The following PI4KA variants were observed in gnomAD, a reference collection of about 807,000 sequenced individuals.
PI4KA encodes the protein PI4-kinase alpha.
A neutral mutation model predicts 271.4 loss-of-function variants in PI4KA; 122 were observed. That is an observed-to-expected ratio of 0.45 (90% CI 0.39 to 0.52). PI4KA has a LOEUF of 0.52. Ranked by LOEUF, PI4KA falls within the 20% of genes least tolerant of loss-of-function variation. The probability of loss-of-function intolerance (pLI) is 0.00; values close to 1 mark genes in which losing one functional copy is unlikely to be tolerated. For synonymous variants in PI4KA, 1,041 were observed against 1,078.8 expected (o/e 0.96, Z 0.69); for missense variants, 1,969 against 2,769.1 (o/e 0.71, Z 6.48).
rs1601428230 is a variant in PI4KA, at chr22:20,761,446, T to G, written c.2709-60A>C. 6.2e-6 allele frequency: 6 copies of G among 960,582 alleles called. No individual in the cohort carries two copies. In the South Asian group the frequency reaches 6.5e-5, roughly 10 times the overall value. The allele number at this position is 960,582 out of a possible 1,614,324, so 59.5% of individuals were successfully genotyped here. A position where few individuals can be genotyped will look rare whatever the true frequency, so the allele number is the denominator to read the frequency against. On this transcript the variant is annotated intron_variant, in intron 22 of 54. Coordinates refer to ENST00000255882, the MANE Select transcript of PI4KA (RefSeq NM_058004.4). ...AATCTGGGCCCTCCCTATCACAGAT[T>G]TGACACTGCCCATAAGTGGTAAGGA...
intron 28 of PI4KA, among the ~76,000 whole-genome samples, chr22:20,748,476 G>A (rs1440551832): frequency 2.6e-5 from 4 of 152,266 alleles, no homozygotes; most frequent in South Asian, 2.1e-4. Context: ...CCCAGTGGGA[G>A]AAGGGTGCTG....
intron 16 of PI4KA, 78 bp from the exon 17 acceptor site, chr22:20,798,765 C>T (rs2147586083): frequency 2.1e-6 from 2 of 952,908 alleles, no homozygotes; most frequent in Non-Finnish European, 3.4e-6. Flanking sequence ...AGAGAGAAAG[C>T]TCTGGAATCC....
chr22:20,749,994 T>C lies in PI4KA; in HGVS notation c.3154A>G (p.Ser1052Gly). The C allele has an allele frequency of 6.2e-7, 1 of 1,609,186 alleles. No homozygotes were observed. The change falls in exon 28 of 55, where the codon AGC becomes GGC. Residue 1052 changes from serine (S) to glycine (G), a missense_variant and splice_region_variant. Coordinates refer to ENST00000255882, the MANE Select transcript of PI4KA (RefSeq NM_058004.4). ...TVPDTYEARE[S>G]IVKDFAARCG... ...CGTGCAGCGAAGTCCTTCACAATGC[T>C]CTGGAAGAGGGTGAAGCTGCTTCTC...
chr22:20,792,270 AATG>A (rs1325385399), intron 19 of PI4KA, among the ~76,000 whole-genome samples: 2 of 152,180 alleles, frequency 1.3e-5, no homozygotes, highest in East Asian at 3.9e-4. Context: ...GGTTGGGAAT[AATG>A]ATGAACACTC....
chr22:20,844,821 T>G (rs1328893183), intron 1 of PI4KA, among the ~76,000 whole-genome samples: 1 of 152,120 alleles, frequency 6.6e-6, no homozygotes, highest in Non-Finnish European at 1.5e-5. Flanking sequence ...CTTTTACATA[T>G]GATGAAACAG....
chr22:20,713,171 G>A, intron 48 of PI4KA, 110 bp downstream of exon 48: 1 of 874,374 alleles, frequency 1.1e-6, no homozygotes, highest in Admixed American at 2.0e-5. Flanking sequence ...CCATATAAGA[G>A]AAGGAAAAGA....
At chr22:20,842,199 G>C (rs1569093406) in intron 1 of PI4KA, among the ~76,000 whole-genome samples, 2 of 151,914 alleles carry the variant, frequency 1.3e-5, no homozygotes, top group East Asian at 3.9e-4. Context: ...CTGCACTCCA[G>C]CCTGGGCAAC....
intron 3 of PI4KA, among the ~76,000 whole-genome samples, chr22:20,825,760 A>G (rs1032256393): frequency 2.0e-5 from 3 of 152,216 alleles, no homozygotes; most frequent in African/African-American, 7.2e-5. Context: ...GTTCAGGGGT[A>G]CATACGCAGT....
chr22:20,711,318 G>A (rs781026938), intron 51 of PI4KA, 23 bp downstream of exon 51: 1 of 1,352,418 alleles, frequency 7.4e-7, no homozygotes, highest in Non-Finnish European at 1.0e-6. Flanking sequence ...AGGGAGAGGA[G>A]GGTGGCGCTG....
At chr22:20,729,527 G>T in intron 38 of PI4KA, 21 bp from the exon 39 acceptor site, 1 of 1,564,554 alleles carries the variant, frequency 6.4e-7, no homozygotes. Flanking sequence ...AAGACATAAG[G>T]CCTGATATGC....
chr22:20,848,605 A>G (rs971571525), intron 1 of PI4KA, among the ~76,000 whole-genome samples: 1 of 152,202 alleles, frequency 6.6e-6, no homozygotes, highest in African/African-American at 2.4e-5. Context: ...CTTTCCAAGA[A>G]ATCGTGCTGA....
chr22:20,808,639 T>C (rs945964507), intron 9 of PI4KA, among the ~76,000 whole-genome samples: 2 of 151,888 alleles, frequency 1.3e-5, no homozygotes, highest in African/African-American at 4.8e-5. Flanking sequence ...ATACTCCTAG[T>C]TGAGTAGGAT....
chr22:20,818,074 G>A (rs535929231), intron 7 of PI4KA, among the ~76,000 whole-genome samples: 9 of 138,776 alleles, frequency 6.5e-5, no homozygotes, highest in East Asian at 2.2e-4. Context: ...GCAGTGAGCC[G>A]AGACTACACC....
At chr22:20,855,922 C>A (rs920549519) in intron 1 of PI4KA, among the ~76,000 whole-genome samples, 2 of 152,224 alleles carry the variant, frequency 1.3e-5, no homozygotes, top group African/African-American at 4.8e-5. Flanking sequence ...CAAAGGCCAA[C>A]TTTGTAAGCA....
chr22:20,855,610 G>A (rs1234561602), intron 1 of PI4KA, among the ~76,000 whole-genome samples: 2 of 152,178 alleles, frequency 1.3e-5, no homozygotes, highest in African/African-American at 4.8e-5. Flanking sequence ...AGAAACCCAT[G>A]CACAGGCTTC....
chr22:20,743,767 A>G (rs1929735838), intron 30 of PI4KA, among the ~76,000 whole-genome samples: 2 of 152,130 alleles, frequency 1.3e-5, no homozygotes, highest in South Asian at 4.2e-4. Flanking sequence ...GAAATGGCAT[A>G]GACTAGGCTG....
At chr22:20,755,264 C>A (rs1043545473) in intron 23 of PI4KA, among the ~76,000 whole-genome samples, 1 of 152,210 alleles carries the variant, frequency 6.6e-6, no homozygotes, top group Non-Finnish European at 1.5e-5. Context: ...ACTCGGAGCT[C>A]TTTCAGGTTG....
At chr22:20,718,201 A>G (rs80069) in intron 44 of PI4KA, among the ~76,000 whole-genome samples, 47 of 152,346 alleles carry the variant, frequency 3.1e-4, no homozygotes, top group African/African-American at 6.7e-4. Context: ...CAGCCCAGCC[A>G]GCGTGCCCAG....
intron 19 of PI4KA, among the ~76,000 whole-genome samples, chr22:20,783,134 A>G (rs1933927853): frequency 6.6e-6 from 1 of 152,170 alleles, no homozygotes; most frequent in African/African-American, 2.4e-5. Flanking sequence ...ACTACTAGTC[A>G]CCCATTACTA....
Sources: gnomAD v4.1 joint callset for allele counts (sites outside exome capture counted in the v4.1 genomes callset) on GRCh38, gnomAD v4.1.1 for gene constraint, MANE v1.5 for transcripts, NCBI Gene and HGNC (gene_info 2026-07-23, HGNC 2026-07-21) for gene names.